STPG2: variants seen among roughly 807,000 people sequenced by gnomAD.
STPG2 encodes the protein sperm tail PG-rich repeat containing 2.
A neutral mutation model predicts 54.2 loss-of-function variants in STPG2; 56 were observed. The ratio of observed to expected loss-of-function variants is 1.03; its 90% CI spans 0.83 to 1.29. The LOEUF is 1.29. Among genes scored for constraint, STPG2 ranks in the 50% most tolerant of loss-of-function variants. The pLI is 0.00. For synonymous variants in STPG2, 200 were observed against 181.8 expected, an observed-to-expected ratio of 1.10 and a Z score of -0.81; for missense variants, 596 against 544.9, an observed-to-expected ratio of 1.09 and a Z score of -0.93.
At chr4:97,968,343 G>A (rs1176703612) in intron 7 of STPG2, among the ~76,000 whole-genome samples, 4 of 152,008 alleles carry the variant, frequency 2.6e-5, no homozygotes, top group South Asian at 2.1e-4. Context: ...ATTCACAGCC[G>A]AATTCTACCA....
In STPG2 at chr4:97,468,290, G is replaced by T. The variant is rs1246442415; in HGVS notation, c.462+244409C>A. ...CAATGATTGAAAGTTATTTCTTTGG[G>T]TTTTAAAAATACATATCTATACCTA... On this transcript the variant is annotated intron_variant, in intron 4 of 4. Transcript: ENST00000522676. Among the ~76,000 whole-genome samples the T allele has an allele frequency of 2.0e-5, 3 of 151,882 alleles. No homozygotes were observed. The East Asian group carries it at 5.8e-4, about 29-fold the overall frequency.
At chr4:97,788,861 G>A (rs970541333) in intron 9 of STPG2, among the ~76,000 whole-genome samples, 1 of 151,832 alleles carries the variant, frequency 6.6e-6, no homozygotes, top group African/African-American at 2.4e-5. Flanking sequence ...TGTTTTGTTC[G>A]ATATATCCTT....
chr4:97,972,354 C>T lies in STPG2; in HGVS notation c.859G>A (p.Gly287Ser), dbSNP rs746637358. 9.9e-6 allele frequency: 16 copies of T among 1,610,096 alleles called. No homozygotes were observed. The Admixed American group carries it at 2.7e-4, about 27-fold the overall frequency. Residue 287 changes from glycine to serine, a missense_variant, in exon 7 of 11, where the codon GGT (glycine) becomes AGT (serine). Coordinates refer to ENST00000295268, the MANE Select transcript of STPG2 (RefSeq NM_174952.3). ...CSKKQKKSAF[G>S]SSVPRTFFSV... is the part of the protein sequence containing the mutation. The stretch of plus-strand genomic sequence containing the variant: ...AAGAAAGTCCGAGGAACAGAAGAAC[C>T]AAATGCACTTTTCTTCTGTTTCTTT...
At chr4:97,634,317 A>G (rs1721421031) in intron 10 of STPG2, among the ~76,000 whole-genome samples, 1 of 152,284 alleles carries the variant, frequency 6.6e-6, no homozygotes, top group South Asian at 2.1e-4. Context: ...AACAGAAAGG[A>G]CATCCACACC....
chr4:97,895,099 A>G (rs1730908771), intron 8 of STPG2, among the ~76,000 whole-genome samples: 1 of 151,858 alleles, frequency 6.6e-6, no homozygotes, highest in Non-Finnish European at 1.5e-5. Context: ...ATAACCCAGA[A>G]AGAAAATTCA....
chr4:97,823,016 C>T (rs1195075819), intron 9 of STPG2, among the ~76,000 whole-genome samples: 6 of 152,198 alleles, frequency 3.9e-5, no homozygotes, highest in Non-Finnish European at 4.4e-5. Context: ...AAGCTGAATG[C>T]TAGCAGAGGA....
At chr4:97,751,592 GT>G (rs1311676674) in intron 9 of STPG2, among the ~76,000 whole-genome samples, 1 of 151,760 alleles carries the variant, frequency 6.6e-6, no homozygotes, top group Non-Finnish European at 1.5e-5. Flanking sequence ...AAAGAATTTA[GT>G]AATTAGGTAT....
chr4:98,010,580 ATCAT>A (rs1560633922), intron 5 of STPG2, among the ~76,000 whole-genome samples: 1 of 152,144 alleles, frequency 6.6e-6, no homozygotes. Flanking sequence ...TTTTGTTTCA[ATCAT>A]TCAGCCACTA....
At chr4:97,492,155 A>T (rs1018480512) in intron 4 of STPG2, among the ~76,000 whole-genome samples, 2 of 151,508 alleles carry the variant, frequency 1.3e-5, no homozygotes, top group African/African-American at 4.8e-5. Flanking sequence ...AAATATTTAC[A>T]TTAAAAATTT....
At chr4:97,511,976 A>G (rs1232138210) in intron 4 of STPG2, among the ~76,000 whole-genome samples, 2 of 152,114 alleles carry the variant, frequency 1.3e-5, no homozygotes, top group African/African-American at 4.8e-5. Context: ...CTGGAGGGAT[A>G]GGTAGTGACT....
chr4:97,875,541 G>T (rs777280890), intron 8 of STPG2, among the ~76,000 whole-genome samples: 1 of 151,800 alleles, frequency 6.6e-6, no homozygotes, highest in Non-Finnish European at 1.5e-5. Context: ...ATTTTCCACA[G>T]AATTTTTTAA....
At chr4:97,910,030 C>T (rs967860831) in intron 8 of STPG2, among the ~76,000 whole-genome samples, 1 of 152,094 alleles carries the variant, frequency 6.6e-6, no homozygotes, top group African/African-American at 2.4e-5. Flanking sequence ...TGAAGTAAAT[C>T]CCTGCAGAAA....
intron 8 of STPG2, among the ~76,000 whole-genome samples, chr4:97,897,361 G>A (rs562733976): frequency 6.6e-6 from 1 of 151,182 alleles, no homozygotes; most frequent in South Asian, 2.1e-4. Flanking sequence ...GTGCTGCAAT[G>A]AACATATGCA....
chr4:98,128,977 G>C (rs890737866), intron 2 of STPG2, among the ~76,000 whole-genome samples: 8 of 152,046 alleles, frequency 5.3e-5, no homozygotes, highest in African/African-American at 1.9e-4. Flanking sequence ...CAAATGATCT[G>C]CCAGCCTCGG....
At chr4:97,501,787 A>C (rs749773704) in intron 4 of STPG2, among the ~76,000 whole-genome samples, 1 of 152,042 alleles carries the variant, frequency 6.6e-6, no homozygotes, top group African/African-American at 2.4e-5. Context: ...AACTAAAAGC[A>C]TACTCTAGAG....
At chr4:97,873,369 A>C (rs906611437) in intron 8 of STPG2, among the ~76,000 whole-genome samples, 1 of 151,520 alleles carries the variant, frequency 6.6e-6, no homozygotes, top group African/African-American at 2.4e-5. Flanking sequence ...AACCACTGTG[A>C]AAACCAGACC....
chr4:97,773,994 GGTGTGTGTGT>G (rs34968031), intron 9 of STPG2, among the ~76,000 whole-genome samples: 4 of 147,352 alleles, frequency 2.7e-5, no homozygotes, highest in Middle Eastern at 3.5e-3. Flanking sequence ...TAAAATATAG[GGTGTGTGTGT>G]GTGTGTGTGT....
At chr4:97,959,001 A>G (rs1733789098) in intron 7 of STPG2, among the ~76,000 whole-genome samples, 1 of 152,182 alleles carries the variant, frequency 6.6e-6, no homozygotes, top group African/African-American at 2.4e-5. Flanking sequence ...AAATTTAAGA[A>G]AACTGAAATT....
intron 10 of STPG2, among the ~76,000 whole-genome samples, chr4:97,653,265 T>TA (rs1357245978): frequency 6.6e-6 from 1 of 151,958 alleles, no homozygotes; most frequent in African/African-American, 2.4e-5. Flanking sequence ...AAAAGAAAGA[T>TA]AAATTAGTTT....
Sources: allele counts gnomAD v4.1 joint callset (sites outside exome capture counted in the v4.1 genomes callset), GRCh38; gene constraint gnomAD v4.1.1; transcripts MANE v1.5; gene names NCBI Gene and HGNC (gene_info 2026-07-23, HGNC 2026-07-21).